The following GPHN variants were observed in gnomAD, a reference collection of about 807,000 sequenced individuals.
GPHN encodes the protein gephyrin.
A neutral mutation model predicts 95.5 loss-of-function variants in GPHN; 17 were observed. The observed-to-expected ratio is 0.18, with a 90% CI of 0.12 to 0.27. The LOEUF (loss-of-function observed/expected upper bound fraction) is 0.27, where lower values mean the gene tolerates loss of function less well. GPHN is among the 10% of genes least tolerant of loss of function. The pLI is 1.00. For synonymous variants in GPHN, 320 were observed against 322.5 expected (o/e 0.99, Z 0.08); for missense variants, 660 against 978.1 (o/e 0.67, Z 4.34).
chr14:66,867,981 T>G (rs1317002316), intron 4 of GPHN, among the ~76,000 whole-genome samples: 2 of 152,194 alleles, frequency 1.3e-5, no homozygotes, highest in Non-Finnish European at 2.9e-5. Flanking sequence ...ACCTAGACAT[T>G]CTGAATCAGA....
intron 8 of GPHN, among the ~76,000 whole-genome samples, chr14:66,932,411 T>C (rs2066852030): frequency 6.8e-6 from 1 of 146,140 alleles, no homozygotes; most frequent in African/African-American, 2.5e-5. Flanking sequence ...AAGGGATCTT[T>C]AGTCAGCAGG....
the GPHN span, chr14:67,201,546 G>C: frequency 2.2e-5 from 10 of 455,712 alleles, no homozygotes; most frequent in Non-Finnish European, 2.6e-5. Flanking sequence ...ACGTTTTCCA[G>C]GGTTGGAGGA....
chr14:67,384,145 T>A, the GPHN span: 1 of 152,388 alleles, frequency 6.6e-6, no homozygotes, highest in Non-Finnish European at 1.5e-5. Flanking sequence ...GTGAGAGAAT[T>A]TATCACACCA....
chr14:67,244,059 G>C, the GPHN span, among the ~76,000 whole-genome samples: 1 of 152,156 alleles, frequency 6.6e-6, no homozygotes, highest in Admixed American at 6.5e-5. Flanking sequence ...AAACCAATAA[G>C]TTGCCTTTTC....
chr14:66,811,688 A>AT (rs1470422635), intron 3 of GPHN, among the ~76,000 whole-genome samples: 1 of 152,174 alleles, frequency 6.6e-6, no homozygotes, highest in Non-Finnish European at 1.5e-5. Flanking sequence ...ATAGTCATCC[A>AT]TTTTTTGCAT....
intron 11 of GPHN, among the ~76,000 whole-genome samples, chr14:67,070,239 A>T (rs963115554): frequency 2.0e-5 from 3 of 151,656 alleles, no homozygotes; most frequent in African/African-American, 7.3e-5. Context: ...CAAAATGTAT[A>T]TCTTAATCCC....
At chr14:67,101,332 G>A (rs1464046084) in intron 13 of GPHN, among the ~76,000 whole-genome samples, 1 of 151,932 alleles carries the variant, frequency 6.6e-6, no homozygotes, top group Non-Finnish European at 1.5e-5. Flanking sequence ...TCTCACTTGG[G>A]ATCTAGCCAG....
At chr14:66,785,614 C>G (rs769787717) in intron 3 of GPHN, among the ~76,000 whole-genome samples, 53 of 146,968 alleles carry the variant, frequency 3.6e-4, no homozygotes, top group Non-Finnish European at 4.2e-4. Flanking sequence ...AAACATTTAC[C>G]TTGGAAAACC....
intron 2 of GPHN, among the ~76,000 whole-genome samples, chr14:66,725,801 A>G (rs1004375881): frequency 2.0e-5 from 3 of 152,234 alleles, no homozygotes; most frequent in Non-Finnish European, 4.4e-5. Context: ...AGCTTTTTTA[A>G]CAAGAAAATA....
At chr14:67,278,077 C>T in the GPHN span, among the ~76,000 whole-genome samples, 4 of 150,022 alleles carry the variant, frequency 2.7e-5, no homozygotes, top group Admixed American at 2.7e-4. Context: ...CGCTCTGTCA[C>T]CCAGGCTGGA....
rs1272790790 is a variant in GPHN at position 67,059,056 on chromosome 14, G to A, written c.1144+270G>A. The A allele has an allele frequency of 1.1e-5, 6 of 543,718 alleles. No homozygotes were observed. In the Admixed American group the frequency reaches 2.1e-4, roughly 19 times the overall value. 33.7% of individuals were successfully genotyped at this position (543,718 alleles called of 1,614,324 possible). A position where few individuals can be genotyped will look rare whatever the true frequency, so the allele number is the denominator to read the frequency against. ...GAAGAAAATCAGCTGTGTTTCTGCT[G>A]TCCATGAAAATACCAATACTGCAAA... On this transcript the variant is annotated intron_variant, in intron 11 of 22. Transcript: ENST00000478722.
chr14:66,913,471 A>G (rs1464539207), intron 5 of GPHN, among the ~76,000 whole-genome samples: 1 of 152,116 alleles, frequency 6.6e-6, no homozygotes, highest in Non-Finnish European at 1.5e-5. Context: ...GCTCCTGAGT[A>G]GCTAGGATTA....
the GPHN span, among the ~76,000 whole-genome samples, chr14:67,622,615 G>A: frequency 1.2e-4 from 18 of 152,230 alleles, no homozygotes; most frequent in Admixed American, 1.1e-3. Context: ...TTTTATTCCC[G>A]CCCATAAATG....
the GPHN span, among the ~76,000 whole-genome samples, chr14:67,505,103 A>G: frequency 6.6e-6 from 1 of 152,200 alleles, no homozygotes; most frequent in Non-Finnish European, 1.5e-5. Context: ...GTGCACCAAG[A>G]TGCAACAGGT....
At chr14:66,709,883 A>G (rs2069449527) in intron 2 of GPHN, among the ~76,000 whole-genome samples, 1 of 152,128 alleles carries the variant, frequency 6.6e-6, no homozygotes, top group Non-Finnish European at 1.5e-5. Flanking sequence ...TTGAGTTATC[A>G]GTGTCAAGAG....
intron 21 of GPHN, among the ~76,000 whole-genome samples, chr14:67,178,543 G>T (rs150258668): frequency 3.3e-4 from 50 of 152,154 alleles, no homozygotes; most frequent in African/African-American, 1.1e-3. Flanking sequence ...TGTGCCTTGG[G>T]GTTGCTCTTC....
chr14:67,690,708 G>A, the GPHN span: 1 of 429,886 alleles, frequency 2.3e-6, no homozygotes. Context: ...GGTTGGCTGG[G>A]TGCGGTGGCT....
intron 2 of GPHN, among the ~76,000 whole-genome samples, chr14:66,727,482 C>T (rs369164385): frequency 6.6e-6 from 1 of 152,112 alleles, no homozygotes; most frequent in African/African-American, 2.4e-5. Context: ...CCTAGAGACT[C>T]GTTGAGTGGC....
At chr14:67,703,772 C>T in the GPHN span, among the ~76,000 whole-genome samples, 1 of 152,042 alleles carries the variant, frequency 6.6e-6, no homozygotes, top group Non-Finnish European at 1.5e-5. Context: ...CTCTCCTGGT[C>T]TCAAGTGATC....
Sources: allele counts gnomAD v4.1 joint callset (sites outside exome capture counted in the v4.1 genomes callset), GRCh38; gene constraint gnomAD v4.1.1; transcripts MANE v1.5; gene names NCBI Gene and HGNC (gene_info 2026-07-23, HGNC 2026-07-21).